The following CPLANE1 variants were observed in gnomAD, a reference collection of about 807,000 sequenced individuals.
The protein encoded by CPLANE1 is ciliogenesis and planar polarity effector complex subunit 1.
Under a neutral mutation model 362.5 loss-of-function variants are expected in CPLANE1, and 263 were observed. That is an observed-to-expected ratio of 0.73 (90% CI 0.66 to 0.80). CPLANE1 has a LOEUF of 0.80. CPLANE1 is among the 30% of genes least tolerant of loss of function. The pLI is 0.00. For synonymous variants in CPLANE1, 1,212 were observed against 1,302.6 expected (o/e 0.93, Z 1.50); for missense variants, 3,461 against 3,793.4 (o/e 0.91, Z 2.30).
chr5:37,237,091 A>G (rs1799168090), intron 8 of CPLANE1, among the ~76,000 whole-genome samples: 1 of 152,236 alleles, frequency 6.6e-6, no homozygotes, highest in South Asian at 2.1e-4. Context: ...ACTATTGGGT[A>G]TATACCCAAA....
Position 37,177,717 on chromosome 5 carries a change from T to C in CPLANE1, c.5821-17A>G. ...TGTGAACTCCTGTTAAAATGAATAGTACCCAAAAAGAAAACAGGTAAAACA... is the reference window on the plus strand; with the variant it reads ...TGTGAACTCCTGTTAAAATGAATAGCACCCAAAAAGAAAACAGGTAAAACA... On this transcript the variant is annotated splice_polypyrimidine_tract_variant and intron_variant, in intron 29 of 52. Coordinates refer to ENST00000651892, the MANE Select transcript of CPLANE1 (RefSeq NM_001384732.1). 1 of 1,596,556 alleles carries C rather than the reference T, an allele frequency of 6.3e-7. No individual in the cohort carries two copies. The highest frequency in any genetic ancestry group is 1.1e-5 in the South Asian group (1 of 89,972).
rs1177523622 is a variant in CPLANE1 at position 37,205,310 on chromosome 5, C to G, written c.3289+5G>C. On this transcript the variant is annotated splice_donor_5th_base_variant and intron_variant, in intron 18 of 52. Coordinates refer to ENST00000651892, the MANE Select transcript of CPLANE1 (RefSeq NM_001384732.1). ...CACGAATCAGACTATACATACATAACACACCTGTAAACTGTTTATATTTTG... is the reference window on the plus strand; with the variant it reads ...CACGAATCAGACTATACATACATAAGACACCTGTAAACTGTTTATATTTTG... The G allele has an allele frequency of 3.9e-6, 6 of 1,546,090 alleles. No individual in the cohort carries two copies. The highest frequency in any genetic ancestry group is 1.4e-5 in the African/African-American group (1 of 72,634).
chr5:37,198,950 A>AG lies in CPLANE1; in HGVS notation c.3508-85dup, dbSNP rs72534652. The AG allele has an allele frequency of 0.4, 520,079 of 1,307,492 alleles. 111,768 individuals are homozygous for AG. Among genetic ancestry groups the AG allele is most frequent in the African/African-American group, 0.83 (56,058 of 67,920 alleles). 81.0% of individuals were successfully genotyped at this position (1,307,492 alleles called of 1,614,324 possible). Reference sequence around the variant, plus strand: ...AAATGAAAATAAAGATAGGCTAATGAGCTGAGCACAGTGGCTCACGCCTGT... The same window carrying AG: ...AAATGAAAATAAAGATAGGCTAATGAGGCTGAGCACAGTGGCTCACGCCTGT... On this transcript the variant is annotated intron_variant, in intron 19 of 52. Transcript: ENST00000651892.
Position 37,206,127 on chromosome 5 carries a change from C to T in CPLANE1, c.3149+70G>A, listed in dbSNP as rs145706582. ...AGGATTCCACATAAAATGTAAATACCAGCAATAAGAGAAATATAAAATACA... is the reference window on the plus strand; with the variant it reads ...AGGATTCCACATAAAATGTAAATACTAGCAATAAGAGAAATATAAAATACA... On this transcript the variant is annotated intron_variant, in intron 17 of 52. Coordinates refer to ENST00000651892, the MANE Select transcript of CPLANE1 (RefSeq NM_001384732.1). 1.5e-3 allele frequency: 1,538 copies of T among 1,010,360 alleles called. 12 individuals carry two copies. The African/African-American group carries it at 0.022, about 14-fold the overall frequency. The allele number at this position is 1,010,360 out of a possible 1,614,324, so 62.6% of individuals were successfully genotyped here.
intron 46 of CPLANE1, among the ~76,000 whole-genome samples, chr5:37,133,091 C>T (rs1163786490): frequency 6.6e-6 from 1 of 152,092 alleles, no homozygotes; most frequent in Non-Finnish European, 1.5e-5. Flanking sequence ...TGTAGGTATG[C>T]AACTTTATTT....
intron 44 of CPLANE1, chr5:37,142,100 A>T: frequency 9.6e-7 from 1 of 1,044,552 alleles, no homozygotes; most frequent in Non-Finnish European, 1.2e-6. Context: ...ACACCAAGAT[A>T]TGATACATAA....
chr5:37,230,101 G>A (rs911028630), intron 9 of CPLANE1, among the ~76,000 whole-genome samples: 3 of 150,516 alleles, frequency 2.0e-5, no homozygotes, highest in East Asian at 2.0e-4. Context: ...GCTTGAACCC[G>A]GGAGAGGGGG....
At chr5:37,203,282 G>A (rs746531602) in intron 18 of CPLANE1, among the ~76,000 whole-genome samples, 1 of 151,992 alleles carries the variant, frequency 6.6e-6, no homozygotes, top group Non-Finnish European at 1.5e-5. Flanking sequence ...GGAATCATAC[G>A]GTATGTAGTC....
chr5:37,175,122 G>A (rs7714423), intron 31 of CPLANE1, among the ~76,000 whole-genome samples: 5,226 of 152,252 alleles, frequency 0.034, 320 homozygotes, highest in African/African-American at 0.12. Context: ...TCCTAGTAAA[G>A]CCACAAGGGG....
At position 37,221,477 on chromosome 5, in the gene CPLANE1, T is replaced by A. The variant is rs577616180; in HGVS notation, c.2593A>T (p.Thr865Ser). The A allele has an allele frequency of 5.3e-6, 8 of 1,495,756 alleles. No individual in the cohort carries two copies. The Admixed American group carries it at 1.6e-4, about 30-fold the overall frequency. 92.7% of individuals were successfully genotyped at this position (1,495,756 alleles called of 1,614,324 possible). A position where few individuals can be genotyped will look rare whatever the true frequency, so the allele number is the denominator to read the frequency against. The change falls in exon 15 of 53, where the codon ACG becomes TCG. Residue 865 changes from threonine to serine, a missense_variant. By Grantham distance (58) the Thr-to-Ser change is moderately conservative (BLOSUM62 1). Transcript: ENST00000651892. ...QEIEEKGGRR[T>S]YFLQIRYYLS... ...TAATAGCGTATCTGAAGAAAATACG[T>A]CCTTCTTCCTCCTGAAACAAGAAGT...
intron 15 of CPLANE1, among the ~76,000 whole-genome samples, chr5:37,217,750 G>A (rs1196387415): frequency 6.6e-6 from 1 of 151,928 alleles, no homozygotes; most frequent in South Asian, 2.1e-4. Context: ...GCCGAGGGGG[G>A]AGGATCACCT....
At chr5:37,166,497 CAGAG>C (rs1405086118) in intron 35 of CPLANE1, among the ~76,000 whole-genome samples, 1 of 152,076 alleles carries the variant, frequency 6.6e-6, no homozygotes, top group East Asian at 1.9e-4. Flanking sequence ...TTTTGAGAGA[CAGAG>C]AGAAAGAGAT....
At chr5:37,211,022 A>G in intron 16 of CPLANE1, 1 of 799,656 alleles carries the variant, frequency 1.3e-6, no homozygotes, top group South Asian at 1.3e-5. Flanking sequence ...AGACAGCCCT[A>G]GAGAATGAAG....
At chr5:37,165,202 G>C (rs185928059) in intron 36 of CPLANE1, among the ~76,000 whole-genome samples, 1 of 152,272 alleles carries the variant, frequency 6.6e-6, no homozygotes, top group Admixed American at 6.5e-5. Context: ...GAATCTCAGA[G>C]AACGGTGAAA....
chr5:37,231,557 A>AAT (rs1358538908), intron 8 of CPLANE1, among the ~76,000 whole-genome samples: 2 of 152,024 alleles, frequency 1.3e-5, no homozygotes, highest in Non-Finnish European at 2.9e-5. Flanking sequence ...ACAGAGAAAA[A>AAT]ATATATATAT....
chr5:37,161,117 G>A (rs1181704654), intron 38 of CPLANE1, among the ~76,000 whole-genome samples: 1 of 152,194 alleles, frequency 6.6e-6, no homozygotes, highest in Admixed American at 6.5e-5. Context: ...CTAATGTATA[G>A]CTGGAAGAAG....
chr5:37,080,047 T>C, the CPLANE1 span, among the ~76,000 whole-genome samples: 1 of 152,244 alleles, frequency 6.6e-6, no homozygotes, highest in Non-Finnish European at 1.5e-5. Context: ...GTCTTGAAGA[T>C]GAGCGGATAT....
At chr5:37,154,910 T>C (rs2150650609) in intron 41 of CPLANE1, among the ~76,000 whole-genome samples, 1 of 152,276 alleles carries the variant, frequency 6.6e-6, no homozygotes, top group Admixed American at 6.5e-5. Context: ...CCCTCTTCCT[T>C]GTTCCGCAGC....
rs1769410350 is a variant in CPLANE1, at chr5:37,140,646, A to G, written c.8633-1276T>C. On this transcript the variant is annotated intron_variant, in intron 44 of 52. Coordinates refer to ENST00000651892, the MANE Select transcript of CPLANE1 (RefSeq NM_001384732.1). Reference sequence around the variant, plus strand: ...AAAAAGCTTGAAGGATTCTCTTCCAATAACGACTGGGCTGCATATGGGGAA... The same window carrying G: ...AAAAAGCTTGAAGGATTCTCTTCCAGTAACGACTGGGCTGCATATGGGGAA... 8.1e-6 allele frequency: 8 copies of G among 985,298 alleles called. No individual in the cohort carries two copies. The South Asian group carries it at 2.8e-4, about 35-fold the overall frequency. 61.0% of individuals were successfully genotyped at this position (985,298 alleles called of 1,614,324 possible).
Sources: allele counts gnomAD v4.1 joint callset (sites outside exome capture counted in the v4.1 genomes callset), GRCh38; gene constraint gnomAD v4.1.1; transcripts MANE v1.5; gene names NCBI Gene and HGNC (gene_info 2026-07-23, HGNC 2026-07-21).